Variants in ZFHX3 observed in about 807,000 individuals in gnomAD.
ZFHX3 encodes the protein zinc finger homeobox protein 3.
ZFHX3 carries 42 observed loss-of-function variants against 279.1 expected under a neutral mutation model. That is an observed-to-expected ratio of 0.15 (90% CI 0.12 to 0.19). The LOEUF (loss-of-function observed/expected upper bound fraction) is 0.19, where lower values mean the gene tolerates loss of function less well. ZFHX3 is among the 10% of genes least tolerant of loss of function. ZFHX3 has a pLI of 1.00. For missense variants in ZFHX3, 4,981 were observed against 4,754.0 expected (o/e 1.05, Z -1.40); for synonymous variants, 2,293 against 1,957.8 (o/e 1.17, Z -4.52).
chr16:73,784,091 A>G (rs113793924), intron 1 of ZFHX3, among the ~76,000 whole-genome samples: 1,766 of 152,240 alleles, frequency 0.012, 34 homozygotes, highest in African/African-American at 0.041. Context: ...TCACAGGAAG[A>G]TGCCTGGCTG....
At position 73,009,762 on chromosome 16, in the gene ZFHX3, T is replaced by C. The variant is rs545458725; in HGVS notation, c.-50+37990A>G. Among the ~76,000 whole-genome samples, 20 of 152,276 alleles carry C rather than the reference T, an allele frequency of 1.3e-4. No homozygotes were observed. The South Asian group carries it at 4.1e-3, about 32-fold the overall frequency. On this transcript the variant is annotated intron_variant, in intron 1 of 9. Coordinates refer to ENST00000268489, the MANE Select transcript of ZFHX3 (RefSeq NM_006885.4). The stretch of plus-strand genomic sequence containing the variant: ...GGGGCCAGTCATGGTGGCTCACACC[T>C]GTAATTCCAGCACTTTCAGAGGCCG...
intron 1 of ZFHX3, among the ~76,000 whole-genome samples, chr16:73,842,494 C>T (rs2142371302): frequency 6.6e-6 from 1 of 152,180 alleles, no homozygotes; most frequent in East Asian, 1.9e-4. Context: ...AGAGTACAGT[C>T]TCCAGCCTAT....
At chr16:73,606,978 A>G (rs115070761) in intron 2 of ZFHX3, among the ~76,000 whole-genome samples, 2,798 of 142,820 alleles carry the variant, frequency 0.02, 96 homozygotes, top group African/African-American at 0.066. Context: ...ACTCCATCTC[A>G]GAAAACAAAC....
intron 1 of ZFHX3, among the ~76,000 whole-genome samples, chr16:73,811,882 T>C (rs1410689919): frequency 1.3e-5 from 2 of 152,232 alleles, no homozygotes; most frequent in Non-Finnish European, 2.9e-5. Flanking sequence ...CACTTGGCTC[T>C]GACCATCTCA....
In ZFHX3 at chr16:72,958,894, C is replaced by G; in HGVS notation, c.1252G>C (p.Val418Leu). 1.9e-6 allele frequency: 3 copies of G among 1,609,576 alleles called. No homozygotes were observed. Among genetic ancestry groups the G allele is most frequent in the South Asian group, 2.2e-5 (2 of 90,174 alleles). ...CTGGAAGCCAGAGGCCCCAGGGGGACTGAGGTAATGGGGGTCTTCAGTACC... is the reference window on the plus strand; with the variant it reads ...CTGGAAGCCAGAGGCCCCAGGGGGAGTGAGGTAATGGGGGTCTTCAGTACC... ...SSVLKTPITS[V>L]PLGPLASSPT... Residue 418 changes from valine to leucine, a missense_variant, in exon 2 of 10, where the codon GTC (valine) becomes CTC (leucine). Val to Leu is a conservative substitution (Grantham distance 32, BLOSUM62 1). Coordinates refer to ENST00000268489, the MANE Select transcript of ZFHX3 (RefSeq NM_006885.4).
chr16:73,546,889 C>T (rs1014704739), intron 2 of ZFHX3, among the ~76,000 whole-genome samples: 15 of 152,154 alleles, frequency 9.9e-5, no homozygotes, highest in Admixed American at 5.2e-4. Flanking sequence ...TTCAGAGTCA[C>T]GGCCATCCTA....
chr16:73,821,437 C>T (rs964037123), intron 1 of ZFHX3, among the ~76,000 whole-genome samples: 6 of 152,214 alleles, frequency 3.9e-5, no homozygotes, highest in Admixed American at 3.3e-4. Context: ...AGCATCTCTG[C>T]AACTTAGCTA....
chr16:73,691,782 T>A (rs1419709897), intron 1 of ZFHX3, among the ~76,000 whole-genome samples: 1 of 152,190 alleles, frequency 6.6e-6, no homozygotes, highest in African/African-American at 2.4e-5. Context: ...ATGCTGTCTT[T>A]CAAGTTATAT....
intron 3 of ZFHX3, chr16:73,400,162 G>C (rs1223002400): frequency 6.6e-6 from 1 of 151,622 alleles, no homozygotes; most frequent in Non-Finnish European, 1.5e-5. Flanking sequence ...GGCCCAGAGA[G>C]GTTAAGTGAT....
intron 2 of ZFHX3, among the ~76,000 whole-genome samples, chr16:73,653,967 G>C (rs976457223): frequency 6.6e-6 from 1 of 152,004 alleles, no homozygotes; most frequent in East Asian, 1.9e-4. Flanking sequence ...GGTGGATCAC[G>C]AGGTCAGGAG....
At chr16:73,329,240 G>A (rs568187262) in intron 3 of ZFHX3, among the ~76,000 whole-genome samples, 2 of 152,306 alleles carry the variant, frequency 1.3e-5, no homozygotes, top group Admixed American at 6.5e-5. Context: ...AATTCATCAC[G>A]CTCTTGGCAA....
chr16:72,800,489 G>A (rs1312130373), intron 7 of ZFHX3, among the ~76,000 whole-genome samples: 1 of 152,166 alleles, frequency 6.6e-6, no homozygotes, highest in Non-Finnish European at 1.5e-5. Context: ...TTAAGCTGCT[G>A]AAAACATAAT....
In ZFHX3 at chr16:72,846,841, C is replaced by G. The variant is rs566902582; in HGVS notation, c.3449-16982G>C. ...AGGGGTGGGGGTAGAGCTGGCCTCA[C>G]GGTGAAGAAACACAAAGAGGGGAAG... is the stretch of plus-strand genomic sequence containing the variant. On this transcript the variant is annotated intron_variant, in intron 4 of 9. Coordinates refer to ENST00000268489, the MANE Select transcript of ZFHX3 (RefSeq NM_006885.4). Among the ~76,000 whole-genome samples the G allele has an allele frequency of 2.9e-4, 44 of 152,308 alleles. 2 individuals are homozygous for G. In the South Asian group the frequency reaches 8.7e-3, roughly 30 times the overall value.
rs201421708 is a variant in ZFHX3, at chr16:73,469,625, A to AT, written c.-1546-13368dup. Among the ~76,000 whole-genome samples, 758 of 151,136 alleles carry AT rather than the reference A, an allele frequency of 5.0e-3. 3 individuals are homozygous for AT. The highest frequency in any genetic ancestry group is 0.026 in the East Asian group (130 of 5,072). ...TAGTCCCAACCTCCAATATATATATATATTTTTTTTGAGACAGAATCTCAC... is the reference window on the plus strand; with the variant it reads ...TAGTCCCAACCTCCAATATATATATATTATTTTTTTTGAGACAGAATCTCAC... On this transcript the variant is annotated intron_variant, in intron 2 of 17. Transcript: ENST00000641206.
chr16:73,287,826 G>A (rs1398625611), intron 4 of ZFHX3, among the ~76,000 whole-genome samples: 1 of 149,414 alleles, frequency 6.7e-6, no homozygotes, highest in African/African-American at 2.5e-5. Context: ...GTCAGTGTAT[G>A]GCTGTGTGGG....
chr16:73,105,930 C>T (rs1184157735), intron 7 of ZFHX3, among the ~76,000 whole-genome samples: 1 of 42,904 alleles, frequency 2.3e-5, no homozygotes, highest in East Asian at 2.9e-4. Flanking sequence ...TGTACACGGA[C>T]CCCCTCCCCC....
At position 72,980,939 on chromosome 16, in the gene ZFHX3, C is replaced by T. The variant is rs185513466; in HGVS notation, c.-49-20745G>A. Among the ~76,000 whole-genome samples, 16 of 152,216 alleles carry T rather than the reference C, an allele frequency of 1.1e-4. No homozygotes were observed. The East Asian group carries it at 2.9e-3, about 27-fold the overall frequency. ...AGGGTTCATTATATCATTCTTTCTA[C>T]TTTTATACAGTAATTTTTTTTTTCC... On this transcript the variant is annotated intron_variant, in intron 1 of 9. Transcript: ENST00000268489.
At position 72,959,467 on chromosome 16, in the gene ZFHX3, C is replaced by G. The variant is rs140855443; in HGVS notation, c.679G>C (p.Val227Leu). The change falls in exon 2 of 10, where the codon GTC (valine) becomes CTC (leucine). Residue 227 changes from valine (V) to leucine (L), a missense_variant. This residue lies in a region of ZFHX3 where 1,068 missense variants were observed against 935.2 expected (regional missense o/e 1.14). Transcript: ENST00000268489. ...TCAAACACGCGGAAGCTGTGCAGGA[C>G]GGGGCTGAGCCCCGCCAGGGCTGAG... ...NTSALAGLSP[V>L]LHSFRVFDVR... The G allele has an allele frequency of 1.9e-6, 3 of 1,614,246 alleles. No individual in the cohort carries two copies. The highest frequency in any genetic ancestry group is 2.5e-6 in the Non-Finnish European group (3 of 1,180,046).
At chr16:73,148,666 G>T (rs896499159) in intron 5 of ZFHX3, among the ~76,000 whole-genome samples, 2 of 146,788 alleles carry the variant, frequency 1.4e-5, no homozygotes, top group Admixed American at 1.4e-4. Context: ...AGAAAGTTGG[G>T]TTGGGCATGG....
Sources: gnomAD v4.1 joint callset for allele counts (sites outside exome capture counted in the v4.1 genomes callset) on GRCh38, gnomAD v4.1.1 for gene constraint, gnomAD v4.1.1 regional missense constraint, MANE v1.5 for transcripts, NCBI Gene and HGNC (gene_info 2026-07-23, HGNC 2026-07-21) for gene names.